Variants in CDKL2 observed in about 807,000 individuals in gnomAD.
CDKL2 encodes the protein cyclin dependent kinase like 2.
In CDKL2, 64 loss-of-function variants were observed where a neutral mutation model predicts 63.9. The ratio of observed to expected loss-of-function variants is 1.00; its 90% CI spans 0.82 to 1.23. The LOEUF (loss-of-function observed/expected upper bound fraction) is 1.23, where lower values mean the gene tolerates loss of function less well. Among genes scored for constraint, CDKL2 ranks in the 50% most tolerant of loss-of-function variants. The pLI is 0.00. For synonymous variants in CDKL2, 211 were observed against 229.2 expected (o/e 0.92, Z 0.72); for missense variants, 656 against 668.0 (o/e 0.98, Z 0.20).
At chr4:75,603,437 AG>A (rs960547333) in intron 6 of CDKL2, among the ~76,000 whole-genome samples, 10 of 151,818 alleles carry the variant, frequency 6.6e-5, no homozygotes, top group African/African-American at 2.4e-4. Flanking sequence ...TTGACCTAAA[AG>A]ATCAACTAGA....
intron 3 of CDKL2, among the ~76,000 whole-genome samples, chr4:75,608,719 C>T (rs1023680983): frequency 2.6e-5 from 4 of 152,220 alleles, no homozygotes; most frequent in Non-Finnish European, 2.9e-5. Context: ...ATAGGCCGCA[C>T]GCAGTGGCTC....
In CDKL2 at chr4:75,578,432, A is replaced by T. The variant is rs1185730133; in HGVS notation, c.*770T>A. Reference sequence around the variant, plus strand: ...AATCTTACAATACATGGAACTAACCAATGCCAGAGTTGTAGTAAGTCATTC... The same window carrying T: ...AATCTTACAATACATGGAACTAACCTATGCCAGAGTTGTAGTAAGTCATTC... On this transcript the variant is annotated 3_prime_UTR_variant, in exon 14 of 14. Coordinates refer to ENST00000307465, the MANE Select transcript of CDKL2 (RefSeq NM_001330724.2). The T allele has an allele frequency of 6.6e-6, 1 of 152,262 alleles. No homozygotes were observed. Among genetic ancestry groups the T allele is most frequent in the Non-Finnish European group, 1.5e-5 (1 of 68,050 alleles). 9.4% of individuals were successfully genotyped at this position (152,262 alleles called of 1,614,324 possible).
chr4:75,605,459 C>T (rs1392502471), intron 5 of CDKL2, 63 bp downstream of exon 5: 1 of 959,688 alleles, frequency 1.0e-6, no homozygotes, highest in Non-Finnish European at 1.6e-6. Flanking sequence ...ATCACAAACA[C>T]ACAGGCACAA....
intron 3 of CDKL2, among the ~76,000 whole-genome samples, chr4:75,612,805 A>G (rs1729759322): frequency 6.6e-6 from 1 of 152,222 alleles, no homozygotes; most frequent in Non-Finnish European, 1.5e-5. Context: ...TAAGAGACAG[A>G]TAGTCTCAAA....
intron 2 of CDKL2, among the ~76,000 whole-genome samples, chr4:75,625,307 A>G (rs1553931650): frequency 6.6e-6 from 1 of 152,172 alleles, no homozygotes; most frequent in Non-Finnish European, 1.5e-5. Context: ...TAACCTAGAA[A>G]ATGTCCATGA....
intron 12 of CDKL2, among the ~76,000 whole-genome samples, chr4:75,583,459 G>A (rs1368764101): frequency 6.6e-6 from 1 of 152,120 alleles, no homozygotes; most frequent in Non-Finnish European, 1.5e-5. Flanking sequence ...AAAGATACCA[G>A]CCTTCCCCAT....
Position 75,625,865 on chromosome 4 carries a change from T to C in CDKL2, c.124A>G (p.Lys42Glu). ...IKKFLESDDD[K>E]MVKKIAMREI... ...CGCATTGCAATCTTTTTAACCATTT[T>C]GTCATCGTCACTTTCTAAGAACTTC... is the stretch of plus-strand genomic sequence containing the variant. The change falls in exon 2 of 14, where the codon AAA becomes GAA. Residue 42 changes from lysine to glutamate, a missense_variant. Physicochemically the swap from Lys to Glu is moderately conservative, Grantham distance 56. Coordinates refer to ENST00000307465, the MANE Select transcript of CDKL2 (RefSeq NM_001330724.2). The C allele has an allele frequency of 6.2e-7, 1 of 1,613,448 alleles. No homozygotes were observed. The highest frequency in any genetic ancestry group is 8.5e-7 in the Non-Finnish European group (1 of 1,179,808).
chr4:75,605,618 C>T lies in CDKL2; in HGVS notation c.559G>A (p.Ala187Thr), dbSNP rs1470950523. 2 of 1,612,414 alleles carry T rather than the reference C, an allele frequency of 1.2e-6. No individual in the cohort carries two copies. Among genetic ancestry groups the T allele is most frequent in the Admixed American group, 1.7e-5 (1 of 59,982 alleles). ...ATTTCAGTTACCAGACAACCAATGG[C>T]CCACACATCAACAGCCCTGAAAGAA... ...VKYGKAVDVW[A>T]IGCLVTEMFM... The change falls in exon 5 of 14, where the codon GCC becomes ACC. Residue 187 changes from alanine to threonine, a missense_variant. By Grantham distance (58) the Ala-to-Thr change is moderately conservative. Coordinates refer to ENST00000307465, the MANE Select transcript of CDKL2 (RefSeq NM_001330724.2).
intron 3 of CDKL2, 28 bp from the exon 4 acceptor site, chr4:75,607,389 G>A (rs764604256): frequency 2.5e-6 from 4 of 1,575,780 alleles, no homozygotes; most frequent in Non-Finnish European, 2.6e-6. Context: ...TGTGACGGAT[G>A]TTAAATAAAA....
At position 75,596,274 on chromosome 4, in the gene CDKL2, G is replaced by C. The variant is rs1181624741; in HGVS notation, c.1389C>G (p.Gly463=). The C allele has an allele frequency of 1.2e-6, 2 of 1,610,666 alleles. No homozygotes were observed. Among genetic ancestry groups the C allele is most frequent in the Non-Finnish European group, 1.7e-6 (2 of 1,176,896 alleles). ...ATGTGGTCACATTAATGTTATAAAT[G>C]CCTGATGGGGAATGTCTGTTCGGTT... ...FVKPNRHSPS[G]IYNINVTTLV... is the part of the protein sequence containing the mutation. Residue 463 remains glycine, a synonymous_variant, in exon 10 of 14, where the codon GGC becomes GGG. Transcript: ENST00000307465.
At chr4:75,628,328 G>A (rs1407943523) in intron 1 of CDKL2, among the ~76,000 whole-genome samples, 1 of 152,070 alleles carries the variant, frequency 6.6e-6, no homozygotes, top group Non-Finnish European at 1.5e-5. Context: ...TGTTAGCCAG[G>A]ATTGTATCGA....
chr4:75,622,666 C>T (rs370451895), intron 2 of CDKL2, among the ~76,000 whole-genome samples: 6 of 116,706 alleles, frequency 5.1e-5, no homozygotes, highest in African/African-American at 2.0e-4. Flanking sequence ...TGCAGCGAGA[C>T]GAGATTGCAC....
chr4:75,619,968 T>C (rs558274732), intron 2 of CDKL2, among the ~76,000 whole-genome samples: 5 of 152,248 alleles, frequency 3.3e-5, no homozygotes, highest in African/African-American at 9.6e-5. Flanking sequence ...AAAAATTGCT[T>C]GAGCTCAGTA....
At position 75,603,822 on chromosome 4, in the gene CDKL2, C is replaced by T; in HGVS notation, c.790G>A (p.Ala264Thr). 1 of 1,587,482 alleles carries T rather than the reference C, an allele frequency of 6.3e-7. No individual in the cohort carries two copies. The highest frequency in any genetic ancestry group is 8.6e-7 in the Non-Finnish European group (1 of 1,168,292). Residue 264 changes from alanine (A) to threonine (T), a missense_variant, in exon 6 of 14, where the codon GCA becomes ACA. Transcript: ENST00000307465. ...TAAACAATAAGTATGATTACCTTTG[C>T]TAAATCTATCACCACTTCAGAGAGC... ...PKLSEVVIDL[A>T]KKCLHIDPDK...
intron 10 of CDKL2, among the ~76,000 whole-genome samples, chr4:75,594,682 T>C (rs776219533): frequency 3.3e-5 from 5 of 152,092 alleles, no homozygotes; most frequent in Non-Finnish European, 7.4e-5. Flanking sequence ...ACAGTAAGGT[T>C]TCATGTGAGC....
chr4:75,581,968 T>C (rs1728283606), intron 12 of CDKL2, 70 bp from the exon 13 acceptor site: 1 of 975,830 alleles, frequency 1.0e-6, no homozygotes, highest in Non-Finnish European at 1.6e-6. Context: ...AAAATTTCAA[T>C]TCTATTTGTT....
At chr4:75,629,095 AT>A (rs1288854365) in intron 1 of CDKL2, among the ~76,000 whole-genome samples, 2 of 150,492 alleles carry the variant, frequency 1.3e-5, no homozygotes, top group Admixed American at 1.3e-4. Flanking sequence ...GAAAAAAAAA[AT>A]CTCCATATAA....
At chr4:75,614,034 G>T (rs1729816521) in intron 3 of CDKL2, among the ~76,000 whole-genome samples, 1 of 152,152 alleles carries the variant, frequency 6.6e-6, no homozygotes, top group African/African-American at 2.4e-5. Flanking sequence ...TCCAGCCTGG[G>T]CGAAAGAGCG....
At chr4:75,603,265 G>T (rs1729278406) in intron 6 of CDKL2, among the ~76,000 whole-genome samples, 18 of 150,630 alleles carry the variant, frequency 1.2e-4, no homozygotes, top group Admixed American at 1.2e-3. Flanking sequence ...CTCCCAAAGT[G>T]CTGGGATTAC....
Sources: allele counts gnomAD v4.1 joint callset (sites outside exome capture counted in the v4.1 genomes callset), GRCh38; gene constraint gnomAD v4.1.1; transcripts MANE v1.5; gene names NCBI Gene and HGNC (gene_info 2026-07-23, HGNC 2026-07-21).